Variants in WDHD1 observed in about 807,000 individuals in gnomAD.
WDHD1 encodes WD repeat and HMG-box DNA-binding protein 1.
WDHD1 carries 111 observed loss-of-function variants against 135.4 expected under a neutral mutation model. The observed-to-expected ratio is 0.82, with a 90% CI of 0.70 to 0.96. WDHD1 has a LOEUF of 0.96. WDHD1 is among the 40% of genes least tolerant of loss of function. The pLI is 0.00. For missense variants in WDHD1, 1,351 were observed against 1,336.3 expected (o/e 1.01, Z -0.17); for synonymous variants, 434 against 439.0 (o/e 0.99, Z 0.14).
intron 2 of WDHD1, among the ~76,000 whole-genome samples, chr14:55,024,648 C>T (rs901749944): frequency 1.3e-5 from 2 of 151,140 alleles, no homozygotes; most frequent in African/African-American, 4.9e-5. Flanking sequence ...AAAAATTCTT[C>T]TGCCTTGAGA....
At chr14:55,009,258 A>T (rs1258773027) in intron 4 of WDHD1, among the ~76,000 whole-genome samples, 2 of 152,134 alleles carry the variant, frequency 1.3e-5, no homozygotes, top group Non-Finnish European at 2.9e-5. Flanking sequence ...CTTTAGTTAC[A>T]TCTTAAGCTT....
intron 1 of WDHD1, 87 bp from the exon 2 acceptor site, chr14:55,026,890 T>C (rs766265045): frequency 1.5e-6 from 2 of 1,299,834 alleles, no homozygotes; most frequent in Admixed American, 3.6e-5. Context: ...TAGTCTCCTC[T>C]AGGGCCCGTT....
rs766063683 is a variant in WDHD1 at position 54,989,135 on chromosome 14, G to C, written c.1419C>G (p.Thr473=). 1 of 1,613,498 alleles carries C rather than the reference G, an allele frequency of 6.2e-7. No homozygotes were observed. The highest frequency in any genetic ancestry group is 1.3e-5 in the African/African-American group (1 of 74,980). ...ATAAGTGTGTTGCATGGTGTATGGA[G>C]GTATCATGGAACTCCACATCTATGG... ...DNAIDVEFHD[T]SIHHATHLSN... is the part of the protein sequence containing the mutation. Residue 473 remains threonine (T), a synonymous_variant, in exon 13 of 26, where the codon ACC becomes ACG. Coordinates refer to ENST00000360586, the MANE Select transcript of WDHD1 (RefSeq NM_007086.4).
At chr14:54,985,833 G>A (rs1309842110) in intron 14 of WDHD1, among the ~76,000 whole-genome samples, 3 of 152,214 alleles carry the variant, frequency 2.0e-5, no homozygotes, top group Non-Finnish European at 4.4e-5. Flanking sequence ...AGTTGATGCA[G>A]GGGAAATGGA....
intron 7 of WDHD1, among the ~76,000 whole-genome samples, chr14:55,003,134 T>C (rs1049134513): frequency 1.3e-5 from 2 of 152,116 alleles, no homozygotes; most frequent in African/African-American, 4.8e-5. Context: ...TTAAATTAGG[T>C]TTTTTTGTAA....
In WDHD1 at chr14:54,989,231, A is replaced by G. The variant is rs542376107; in HGVS notation, c.1342-19T>C. The G allele has an allele frequency of 6.3e-7, 1 of 1,593,026 alleles. No homozygotes were observed. The highest frequency in any genetic ancestry group is 2.3e-5 in the East Asian group (1 of 44,394). ...TCCACACCTACAAACAGGTAAGATT[A>G]AATATAAGTCTGAGAAAAACTGAAG... On this transcript the variant is annotated intron_variant, in intron 12 of 25. Coordinates refer to ENST00000360586, the MANE Select transcript of WDHD1 (RefSeq NM_007086.4).
intron 10 of WDHD1, among the ~76,000 whole-genome samples, chr14:54,996,428 TG>T (rs1370780009): frequency 4.6e-5 from 7 of 151,220 alleles, no homozygotes; most frequent in Admixed American, 1.3e-4. Flanking sequence ...GACAACATGA[TG>T]AAACCTCATC....
intron 15 of WDHD1, among the ~76,000 whole-genome samples, chr14:54,983,885 G>A (rs77810789): frequency 0.035 from 5,362 of 151,868 alleles, 343 homozygotes; most frequent in African/African-American, 0.12. Flanking sequence ...TTATTTCATC[G>A]AAGATATCTC....
intron 3 of WDHD1, among the ~76,000 whole-genome samples, chr14:55,012,175 A>C (rs1396383061): frequency 1.2e-4 from 18 of 152,206 alleles, no homozygotes. Context: ...TTTAGCTTAC[A>C]TTTAATGTAT....
At chr14:55,005,065 C>G (rs1337925246) in intron 7 of WDHD1, 1 of 543,658 alleles carries the variant, frequency 1.8e-6, no homozygotes, top group African/African-American at 1.9e-5. Flanking sequence ...GGCTGCTCTT[C>G]TTTTTCAATC....
intron 14 of WDHD1, among the ~76,000 whole-genome samples, chr14:54,986,794 A>G (rs868128714): frequency 1.3e-5 from 2 of 152,230 alleles, no homozygotes; most frequent in African/African-American, 4.8e-5. Context: ...AGGAGGCAGC[A>G]GCTTTTAAAA....
intron 10 of WDHD1, among the ~76,000 whole-genome samples, chr14:54,997,037 G>C (rs886427406): frequency 1.2e-4 from 17 of 146,172 alleles, no homozygotes; most frequent in African/African-American, 3.3e-4. Context: ...TGATCCACCC[G>C]CCTCAGACTC....
At chr14:54,995,503 A>T (rs1358463748) in intron 11 of WDHD1, 100 bp downstream of exon 11, 1 of 955,166 alleles carries the variant, frequency 1.0e-6, no homozygotes, top group Non-Finnish European at 1.5e-6. Flanking sequence ...AGCACCACTT[A>T]GCTACATTCT....
chr14:55,006,894 C>T (rs1418423184), intron 7 of WDHD1, among the ~76,000 whole-genome samples: 2 of 151,970 alleles, frequency 1.3e-5, no homozygotes, highest in African/African-American at 2.4e-5. Flanking sequence ...ACTATTTTTA[C>T]ACTCAAAGTT....
intron 18 of WDHD1, among the ~76,000 whole-genome samples, chr14:54,964,421 A>G (rs956098766): frequency 6.6e-6 from 1 of 152,148 alleles, no homozygotes; most frequent in Non-Finnish European, 1.5e-5. Context: ...CAGGTGGATC[A>G]CAAGGTCAGG....
intron 3 of WDHD1, among the ~76,000 whole-genome samples, chr14:55,013,050 C>G (rs1166808134): frequency 6.6e-6 from 1 of 151,912 alleles, no homozygotes; most frequent in Non-Finnish European, 1.5e-5. Context: ...GTCCATTAAT[C>G]ACTTTTAATA....
At chr14:54,980,813 A>AC (rs1361628322) in intron 16 of WDHD1, among the ~76,000 whole-genome samples, 26 of 149,538 alleles carry the variant, frequency 1.7e-4, no homozygotes, top group African/African-American at 6.1e-4. Context: ...AAAAAAAAAA[A>AC]AAAAAAAAAA....
chr14:54,992,531 A>G (rs1399725307), intron 11 of WDHD1, among the ~76,000 whole-genome samples: 3 of 152,196 alleles, frequency 2.0e-5, no homozygotes, highest in Admixed American at 6.5e-5. Context: ...ATTAAAAATT[A>G]AGATATTGGA....
chr14:54,950,925 A>C (rs551273347), intron 24 of WDHD1, among the ~76,000 whole-genome samples: 6 of 152,330 alleles, frequency 3.9e-5, no homozygotes, highest in Non-Finnish European at 7.3e-5. Flanking sequence ...TGAAGGCAGA[A>C]ATAAAGATGT....
Sources: gnomAD v4.1 joint callset for allele counts (sites outside exome capture counted in the v4.1 genomes callset) on GRCh38, gnomAD v4.1.1 for gene constraint, MANE v1.5 for transcripts, NCBI Gene and HGNC (gene_info 2026-07-23, HGNC 2026-07-21) for gene names.